The following BICD2 variants were observed in gnomAD, a reference collection of about 807,000 sequenced individuals.
The protein encoded by BICD2 is protein bicaudal D homolog 2.
BICD2 carries 25 observed loss-of-function variants against 72.9 expected under a neutral mutation model. That is an observed-to-expected ratio of 0.34 (90% CI 0.25 to 0.48). The LOEUF (loss-of-function observed/expected upper bound fraction) is 0.48. Ranked by LOEUF, BICD2 falls within the 20% of genes least tolerant of loss-of-function variation. BICD2 has a pLI of 0.99. For missense variants in BICD2, 894 were observed against 1,175.2 expected, an observed-to-expected ratio of 0.76 and a Z score of 3.50; for synonymous variants, 501 against 516.1, an observed-to-expected ratio of 0.97 and a Z score of 0.40.
chr9:92,719,077 G>A lies in BICD2; in HGVS notation c.1568C>T (p.Ala523Val). The stretch of plus-strand genomic sequence containing the variant: ...ACTGAAGGTCACCAGCTCATCCTGG[G>A]CCACACTCAGGCTGCCCTGTGTCTC... ...AGETQGSLSV[A>V]QDELVTFSEE... The change falls in exon 5 of 7, where the codon GCC becomes GTC. Residue 523 changes from alanine (A) to valine (V), a missense_variant. By Grantham distance (64) the Ala-to-Val change is moderately conservative. Transcript: ENST00000356884. 1.2e-6 allele frequency: 2 copies of A among 1,613,028 alleles called. No homozygotes were observed. Among genetic ancestry groups the A allele is most frequent in the Non-Finnish European group, 1.7e-6 (2 of 1,179,982 alleles).
intron 1 of BICD2, among the ~76,000 whole-genome samples, chr9:92,740,708 G>C (rs1455445669): frequency 6.6e-6 from 1 of 152,154 alleles, no homozygotes; most frequent in East Asian, 1.9e-4. Flanking sequence ...CCATGTTTGT[G>C]TATTTTTTTA....
chr9:92,758,503 G>A (rs965769338), intron 1 of BICD2, among the ~76,000 whole-genome samples: 34 of 138,030 alleles, frequency 2.5e-4, no homozygotes, highest in African/African-American at 9.0e-4. Context: ...AGTGAGCCAA[G>A]ATCGAGCTAC....
In BICD2 at chr9:92,715,212, C is replaced by A. The variant is rs757915845; in HGVS notation, c.2510G>T (p.Gly837Val). 11 of 1,612,324 alleles carry A rather than the reference C, an allele frequency of 6.8e-6. No homozygotes were observed. The highest frequency in any genetic ancestry group is 5.9e-6 in the Non-Finnish European group (7 of 1,179,402). Residue 837 changes from glycine (G) to valine (V), a missense_variant, in exon 7 of 7, where the codon GGC becomes GTC. Around this residue, in one of 5 missense-constraint regions of BICD2, gnomAD observed 321 missense variants for 443.9 expected, o/e 0.72. Transcript: ENST00000356884. ...GAACACCTGGTTGGCCAGCCCGGTGCCCTCGGCCCTGTCGCTGGCACAGGC... is the reference window on the plus strand; with the variant it reads ...GAACACCTGGTTGGCCAGCCCGGTGACCTCGGCCCTGTCGCTGGCACAGGC... ...TCACASDRAE[G>V]TGLANQVFCS...
chr9:92,752,193 T>C (rs182206084), intron 1 of BICD2, among the ~76,000 whole-genome samples: 13 of 152,276 alleles, frequency 8.5e-5, no homozygotes, highest in African/African-American at 2.4e-4. Context: ...TGAGCACACA[T>C]AGCAACCAGA....
intron 1 of BICD2, among the ~76,000 whole-genome samples, chr9:92,748,051 G>T (rs571662482): frequency 6.6e-6 from 1 of 152,314 alleles, no homozygotes; most frequent in South Asian, 2.1e-4. Context: ...GTGAGGCTAG[G>T]ACTGCAGGGA....
In BICD2 at chr9:92,714,818, G is replaced by A; in HGVS notation, c.*336C>T. The A allele has an allele frequency of 9.3e-7, 1 of 1,077,338 alleles. No individual in the cohort carries two copies. Among genetic ancestry groups the A allele is most frequent in the South Asian group, 3.8e-5 (1 of 26,406 alleles). The allele number at this position is 1,077,338 out of a possible 1,614,324, so 66.7% of individuals were successfully genotyped here. ...TTTGGGTGCTGAGGGAGCAGGACCAGGACTCCTCCCTTGGGTTTCCCCACG... is the reference window on the plus strand; with the variant it reads ...TTTGGGTGCTGAGGGAGCAGGACCAAGACTCCTCCCTTGGGTTTCCCCACG... On this transcript the variant is annotated 3_prime_UTR_variant, in exon 7 of 7. Transcript: ENST00000356884.
At chr9:92,755,434 C>G (rs576379458) in intron 1 of BICD2, among the ~76,000 whole-genome samples, 1 of 152,148 alleles carries the variant, frequency 6.6e-6, no homozygotes, top group Non-Finnish European at 1.5e-5. Context: ...CACACCTATT[C>G]GCACACTCCC....
intron 4 of BICD2, 148 bp from the exon 5 acceptor site, chr9:92,719,730 GACAAAGACAC>G: frequency 1.3e-6 from 1 of 769,434 alleles, no homozygotes; most frequent in Non-Finnish European, 2.0e-6. Flanking sequence ...CAGTGAGGTG[GACAAAGACAC>G]ACAGGGTGTG....
At position 92,720,694 on chromosome 9, in the gene BICD2, T is replaced by C; in HGVS notation, c.668A>G (p.Asn223Ser). ...GCGGATGGCATCCTCCAGCTGGCTG[T>C]TGAGGTACTCGGTCTCCTCCTCCAG... Reference protein sequence around the residue: ...KRLEEETEYLNSQLEDAIRLK... With the variant: ...KRLEEETEYLSSQLEDAIRLK... The change falls in exon 4 of 7, where the codon AAC becomes AGC. Residue 223 changes from asparagine to serine, a missense_variant. Transcript: ENST00000356884. This position sits in a 1 kb window ranked among gnomAD's most constrained non-coding sequence, Gnocchi z 5.4. The C allele has an allele frequency of 2.5e-6, 4 of 1,614,170 alleles. No individual in the cohort carries two copies. Among genetic ancestry groups the C allele is most frequent in the African/African-American group, 1.3e-5 (1 of 75,052 alleles).
chr9:92,736,273 C>T (rs1374962972), intron 1 of BICD2, among the ~76,000 whole-genome samples: 3 of 152,196 alleles, frequency 2.0e-5, no homozygotes, highest in Admixed American at 6.5e-5. Flanking sequence ...GAGTGATCTC[C>T]GGTTGTCCTC....
At chr9:92,735,191 C>G in intron 1 of BICD2, among the ~76,000 whole-genome samples, 1 of 152,204 alleles carries the variant, frequency 6.6e-6, no homozygotes, top group Non-Finnish European at 1.5e-5. Context: ...TTGGCCAACA[C>G]ATGACCGCCA....
chr9:92,728,971 G>T, intron 2 of BICD2, 53 bp downstream of exon 2: 1 of 1,579,566 alleles, frequency 6.3e-7, no homozygotes. Context: ...CCTGCTATGT[G>T]ACACTGGTGG....
chr9:92,738,154 G>A (rs932337761), intron 1 of BICD2, among the ~76,000 whole-genome samples: 2 of 152,214 alleles, frequency 1.3e-5, no homozygotes, highest in South Asian at 2.1e-4. Context: ...GGTGAGCTCC[G>A]CCCTCACTGT....
intron 2 of BICD2, among the ~76,000 whole-genome samples, chr9:92,723,564 G>A (rs889174272): frequency 1.3e-5 from 2 of 152,192 alleles, no homozygotes; most frequent in Non-Finnish European, 2.9e-5. Flanking sequence ...CTGGGGAGGG[G>A]GATGGGGAGT....
intron 1 of BICD2, among the ~76,000 whole-genome samples, chr9:92,731,299 G>A (rs541472744): frequency 1.3e-5 from 2 of 152,094 alleles, no homozygotes; most frequent in African/African-American, 2.4e-5. Flanking sequence ...GCCATGACAC[G>A]ACATTCAAGT....
rs1853426750 is a variant in BICD2, at chr9:92,720,024, G to A, written c.1062+276C>T. ...TGGGCCCCTGACACCTGGCCTGCGT[G>A]CAGGGATCACATGTGGGCCAGTGTC... On this transcript the variant is annotated intron_variant, in intron 4 of 6. Transcript: ENST00000356884. This position sits in a 1 kb window ranked among gnomAD's most constrained non-coding sequence, Gnocchi z 5.4. 6.6e-6 allele frequency among the ~76,000 whole-genome samples: 1 copy of A among 152,218 alleles called. No individual in the cohort carries two copies. The highest frequency in any genetic ancestry group is 6.5e-5 in the Admixed American group (1 of 15,280).
intron 1 of BICD2, among the ~76,000 whole-genome samples, chr9:92,750,942 G>A (rs1017817163): frequency 6.6e-6 from 1 of 151,924 alleles, no homozygotes; most frequent in Non-Finnish European, 1.5e-5. Flanking sequence ...AGATAGAGTC[G>A]CTCTGTTGCC....
chr9:92,721,398 T>G (rs1352223671), intron 3 of BICD2, among the ~76,000 whole-genome samples: 1 of 152,032 alleles, frequency 6.6e-6, no homozygotes, highest in African/African-American at 2.4e-5. Flanking sequence ...AAAAGCAACA[T>G]CAAAGTCTTG....
intron 1 of BICD2, among the ~76,000 whole-genome samples, chr9:92,734,288 G>T (rs1853733124): frequency 6.6e-6 from 1 of 152,136 alleles, no homozygotes; most frequent in South Asian, 2.1e-4. Context: ...AAGGCAAGCA[G>T]ATCACTTGAG....
Sources: gnomAD v4.1 joint callset for allele counts (sites outside exome capture counted in the v4.1 genomes callset) on GRCh38, gnomAD v4.1.1 for gene constraint, gnomAD v4.1.1 regional missense constraint, Gnocchi (gnomAD v3.1) non-coding constraint, MANE v1.5 for transcripts, NCBI Gene and HGNC (gene_info 2026-07-23, HGNC 2026-07-21) for gene names.